DPP6: variants seen among roughly 807,000 people sequenced by gnomAD.
DPP6 encodes the protein A-type potassium channel modulatory protein DPP6.
In DPP6, 69 loss-of-function variants were observed where a neutral mutation model predicts 122.6. That is an observed-to-expected ratio of 0.56 (90% CI 0.46 to 0.69). DPP6 has a LOEUF of 0.69. Among genes scored for constraint, DPP6 ranks in the 30% least tolerant of loss-of-function variants. The pLI is 0.00. For synonymous variants in DPP6, 418 were observed against 433.1 expected, an observed-to-expected ratio of 0.97 and a Z score of 0.43; for missense variants, 928 against 1,116.9, an observed-to-expected ratio of 0.83 and a Z score of 2.41.
intron 7 of DPP6, among the ~76,000 whole-genome samples, chr7:154,724,314 A>G (rs1239321485): frequency 6.6e-6 from 1 of 152,160 alleles, no homozygotes; most frequent in Non-Finnish European, 1.5e-5. Context: ...ATGGTTCTCT[A>G]TCACCCAGTG....
At chr7:154,549,226 C>T (rs1343728366) in intron 4 of DPP6, among the ~76,000 whole-genome samples, 2 of 152,172 alleles carry the variant, frequency 1.3e-5, no homozygotes, top group African/African-American at 2.4e-5. Flanking sequence ...GGACATGTTC[C>T]AGAATCTGTT....
intron 1 of DPP6, among the ~76,000 whole-genome samples, chr7:154,108,879 A>G (rs7779741): frequency 0.057 from 8,646 of 152,298 alleles, 812 homozygotes; most frequent in African/African-American, 0.2. Context: ...GTCACTTTAG[A>G]GTAATTGGGG....
At chr7:153,962,943 T>A (rs1374873924) in intron 1 of DPP6, among the ~76,000 whole-genome samples, 1 of 152,204 alleles carries the variant, frequency 6.6e-6, no homozygotes, top group African/African-American at 2.4e-5. Flanking sequence ...ATACACATCC[T>A]TCAAGACCCA....
At chr7:154,778,983 T>TCCACCACCACCACCACAACCACCCCCA (rs1796793199) in intron 10 of DPP6, among the ~76,000 whole-genome samples, 2 of 16,874 alleles carry the variant, frequency 1.2e-4, no homozygotes, top group South Asian at 2.1e-3. Flanking sequence ...CACCATCACC[T>TCCACCACCACCACCACAACCACCCCCA]CCATCACCTC....
intron 1 of DPP6, among the ~76,000 whole-genome samples, chr7:154,281,503 C>T (rs1013504184): frequency 1.3e-5 from 2 of 152,120 alleles, no homozygotes. Flanking sequence ...TGAACACAAA[C>T]AGTATTGCAA....
At chr7:153,797,682 A>AT in the DPP6 span, among the ~76,000 whole-genome samples, 2 of 151,966 alleles carry the variant, frequency 1.3e-5, no homozygotes, top group African/African-American at 2.4e-5. Context: ...AACAGCAGTC[A>AT]TTTTTTTCCC....
intron 5 of DPP6, among the ~76,000 whole-genome samples, chr7:154,630,580 T>C (rs1396551123): frequency 6.6e-6 from 1 of 152,226 alleles, no homozygotes; most frequent in Non-Finnish European, 1.5e-5. Flanking sequence ...TCATGTTTGT[T>C]GGCTGCATAA....
chr7:153,991,905 A>G (rs1797196134), intron 1 of DPP6, among the ~76,000 whole-genome samples: 1 of 151,646 alleles, frequency 6.6e-6, no homozygotes, highest in African/African-American at 2.4e-5. Context: ...GAGTCTGGAT[A>G]ATTTATAAAG....
intron 18 of DPP6, among the ~76,000 whole-genome samples, chr7:154,871,153 C>G (rs1804359537): frequency 6.6e-6 from 1 of 152,192 alleles, no homozygotes; most frequent in Non-Finnish European, 1.5e-5. Flanking sequence ...CCAGCCCACT[C>G]TACCCACTGC....
At chr7:153,865,499 A>G in the DPP6 span, among the ~76,000 whole-genome samples, 1 of 152,154 alleles carries the variant, frequency 6.6e-6, no homozygotes, top group African/African-American at 2.4e-5. Context: ...TTGGGGTTTT[A>G]GCTACAGTCC....
the DPP6 span, among the ~76,000 whole-genome samples, chr7:153,752,915 T>A: frequency 6.6e-6 from 1 of 151,788 alleles, no homozygotes. Context: ...GAATATAATG[T>A]ATGCATTATC....
chr7:154,290,484 C>T (rs773463193), intron 1 of DPP6, among the ~76,000 whole-genome samples: 1 of 152,010 alleles, frequency 6.6e-6, no homozygotes. Context: ...CTGCCACCCC[C>T]CTGCCTTGCA....
intron 1 of DPP6, among the ~76,000 whole-genome samples, chr7:154,015,969 G>A (rs577657185): frequency 1.3e-5 from 2 of 152,148 alleles, no homozygotes; most frequent in South Asian, 2.1e-4. Flanking sequence ...CTGTTCCTCG[G>A]CCCTTATAAG....
At chr7:154,727,679 C>A in intron 7 of DPP6, 88 bp from the exon 8 acceptor site, 1 of 1,453,960 alleles carries the variant, frequency 6.9e-7, no homozygotes, top group Admixed American at 2.4e-5. Flanking sequence ...AAATGAAAAC[C>A]CGGTTGATGA....
At chr7:154,141,707 T>TTACAG (rs1354297539) in intron 1 of DPP6, among the ~76,000 whole-genome samples, 1 of 152,198 alleles carries the variant, frequency 6.6e-6, no homozygotes, top group African/African-American at 2.4e-5. Flanking sequence ...GGAGAAGCAG[T>TTACAG]TACAGTTGTA....
At chr7:154,287,827 G>A (rs530795686) in intron 1 of DPP6, among the ~76,000 whole-genome samples, 2 of 152,220 alleles carry the variant, frequency 1.3e-5, no homozygotes, top group Admixed American at 6.5e-5. Context: ...CTGGAGGGAA[G>A]GTTGTCCTGA....
chr7:154,826,052 A>G (rs1345288932), intron 16 of DPP6, among the ~76,000 whole-genome samples: 3 of 152,210 alleles, frequency 2.0e-5, no homozygotes, highest in African/African-American at 4.8e-5. Flanking sequence ...ACTTCACCCT[A>G]CGTTTCACAA....
the DPP6 span, among the ~76,000 whole-genome samples, chr7:153,851,165 C>T: frequency 6.6e-6 from 1 of 152,168 alleles, no homozygotes; most frequent in South Asian, 2.1e-4. Context: ...TCTTTCTCAC[C>T]TACTCCCACT....
Position 154,387,086 on chromosome 7 carries a change from G to T in DPP6, c.244-59128G>T, listed in dbSNP as rs906030963. ...ACATAGGCAAGGGGCGAAAGAGTGTGGAAAGAAGAGAAAATGAAGCTATAT... is the reference window on the plus strand; with the variant it reads ...ACATAGGCAAGGGGCGAAAGAGTGTTGAAAGAAGAGAAAATGAAGCTATAT... On this transcript the variant is annotated intron_variant, in intron 1 of 25. Coordinates refer to ENST00000377770, the MANE Select transcript of DPP6 (RefSeq NM_130797.4). Among the ~76,000 whole-genome samples the T allele has an allele frequency of 2.0e-5, 3 of 152,068 alleles. No homozygotes were observed. In the East Asian group the frequency reaches 5.8e-4, roughly 29 times the overall value.
Sources: gnomAD v4.1 joint callset for allele counts (sites outside exome capture counted in the v4.1 genomes callset) on GRCh38, gnomAD v4.1.1 for gene constraint, MANE v1.5 for transcripts, NCBI Gene and HGNC (gene_info 2026-07-23, HGNC 2026-07-21) for gene names.